TUSC3: variants seen among roughly 807,000 people sequenced by gnomAD.
The protein encoded by TUSC3 is tumor suppressor candidate 3, also known as dolichyl-diphosphooligosaccharide--protein glycosyltransferase subunit TUSC3.
A neutral mutation model predicts 44.8 loss-of-function variants in TUSC3; 45 were observed. The observed-to-expected ratio is 1.00, with a 90% CI of 0.79 to 1.29. The LOEUF (loss-of-function observed/expected upper bound fraction) is 1.29, where lower values mean the gene tolerates loss of function less well. TUSC3 is among the 50% of genes most tolerant of loss of function. The pLI is 0.00. For missense variants in TUSC3, 519 were observed against 437.9 expected (o/e 1.19, Z -1.65); for synonymous variants, 212 against 152.9 (o/e 1.39, Z -2.85).
chr8:15,700,809 G>A (rs1358498719), intron 6 of TUSC3, among the ~76,000 whole-genome samples: 1 of 139,908 alleles, frequency 7.1e-6, no homozygotes, highest in Non-Finnish European at 1.5e-5. Flanking sequence ...AATGTTTGTT[G>A]TCCCTTTTCT....
intron 6 of TUSC3, among the ~76,000 whole-genome samples, chr8:15,692,371 C>CCCCCT (rs1563175839): frequency 9.0e-4 from 17 of 18,818 alleles, no homozygotes; most frequent in South Asian, 7.1e-3. Context: ...CCCCCCCCCC[C>CCCCCT]TTTGTTTTTT....
rs188612730 is a variant in TUSC3, at chr8:15,566,763, A to G, written c.138+26195A>G. Among the ~76,000 whole-genome samples the G allele has an allele frequency of 7.8e-4, 118 of 152,162 alleles. 1 individual carries two copies. Among genetic ancestry groups the G allele is most frequent in the African/African-American group, 2.7e-3 (113 of 41,526 alleles). On this transcript the variant is annotated intron_variant, in intron 1 of 10. Transcript: ENST00000503731. ...GTTAGTCTCCTAAGTAGCTGGGATT[A>G]TAGGCACGTGTCATCATGACTGGTT...
the TUSC3 span, among the ~76,000 whole-genome samples, chr8:15,832,051 C>T: frequency 2.0e-5 from 3 of 152,096 alleles, no homozygotes; most frequent in Non-Finnish European, 4.4e-5. Flanking sequence ...AGAGAAAGGT[C>T]AAGTCACCTA....
intron 1 of TUSC3, among the ~76,000 whole-genome samples, chr8:15,562,375 G>T (rs1729491054): frequency 6.6e-6 from 1 of 152,120 alleles, no homozygotes; most frequent in South Asian, 2.1e-4. Flanking sequence ...TCTCCCTTAA[G>T]ATGAGTAATC....
At chr8:15,632,345 A>G (rs975023840) in intron 2 of TUSC3, among the ~76,000 whole-genome samples, 4 of 152,106 alleles carry the variant, frequency 2.6e-5, no homozygotes, top group Admixed American at 2.0e-4. Flanking sequence ...CTTCCTGATT[A>G]TATTCAAGGG....
At chr8:15,658,653 C>CACACAT (rs1173217298) in intron 3 of TUSC3, among the ~76,000 whole-genome samples, 6 of 150,626 alleles carry the variant, frequency 4.0e-5, no homozygotes, top group Non-Finnish European at 7.4e-5. Flanking sequence ...CACACACACA[C>CACACAT]ACACACAAAT....
intron 5 of TUSC3, among the ~76,000 whole-genome samples, chr8:15,669,363 T>C (rs531830996): frequency 6.6e-6 from 1 of 151,612 alleles, no homozygotes; most frequent in South Asian, 2.1e-4. Context: ...TTTCTGTGAA[T>C]AAAAAAAGAG....
the TUSC3 span, among the ~76,000 whole-genome samples, chr8:15,777,099 G>A: frequency 6.6e-6 from 1 of 152,050 alleles, no homozygotes; most frequent in Non-Finnish European, 1.5e-5. Context: ...CTTCTTTGAA[G>A]AACAGGAAAC....
chr8:15,735,174 CA>C (rs147147846), intron 7 of TUSC3, among the ~76,000 whole-genome samples: 3,415 of 152,160 alleles, frequency 0.022, 126 homozygotes, highest in African/African-American at 0.079. Flanking sequence ...GAAGGTAGAG[CA>C]AAGGAAGCAG....
At chr8:15,453,070 A>G (rs1440028160) in intron 1 of TUSC3, among the ~76,000 whole-genome samples, 1 of 152,104 alleles carries the variant, frequency 6.6e-6, no homozygotes, top group Non-Finnish European at 1.5e-5. Flanking sequence ...AACGCAATAT[A>G]TAGATAGGTT....
chr8:15,789,328 C>T, the TUSC3 span, among the ~76,000 whole-genome samples: 40 of 152,264 alleles, frequency 2.6e-4, no homozygotes, highest in African/African-American at 8.4e-4. Context: ...GCCAAGCCTC[C>T]AGTCTTTACA....
At chr8:15,705,362 ACCACT>A (rs1809574288) in intron 6 of TUSC3, among the ~76,000 whole-genome samples, 1 of 152,080 alleles carries the variant, frequency 6.6e-6, no homozygotes, top group African/African-American at 2.4e-5. Flanking sequence ...GTTATGGAAA[ACCACT>A]CCAGAATCTA....
chr8:15,682,481 A>C (rs1453419544), intron 6 of TUSC3, among the ~76,000 whole-genome samples: 1 of 151,816 alleles, frequency 6.6e-6, no homozygotes. Context: ...TGTAAGTACA[A>C]CCTCTGCTCT....
intron 1 of TUSC3, among the ~76,000 whole-genome samples, chr8:15,585,838 C>G (rs1483254530): frequency 1.3e-5 from 2 of 152,152 alleles, no homozygotes; most frequent in Non-Finnish European, 2.9e-5. Flanking sequence ...CCCTAACTGC[C>G]TGCGTGAGCG....
the TUSC3 span, chr8:15,806,342 T>G: frequency 1.4e-6 from 1 of 727,862 alleles, no homozygotes; most frequent in South Asian, 1.4e-5. Flanking sequence ...TCTTTATGAT[T>G]TCTTCTACTC....
intron 6 of TUSC3, among the ~76,000 whole-genome samples, chr8:15,723,677 AAC>A (rs1389303614): frequency 6.6e-6 from 1 of 152,166 alleles, no homozygotes; most frequent in Non-Finnish European, 1.5e-5. Context: ...ACTAGTAGGA[AAC>A]AGAGGAATCT....
chr8:15,458,800 T>A (rs1289015083), intron 1 of TUSC3, among the ~76,000 whole-genome samples: 1 of 152,182 alleles, frequency 6.6e-6, no homozygotes, highest in African/African-American at 2.4e-5. Flanking sequence ...CAGTTTATCT[T>A]TGCAAGGACA....
At chr8:15,520,657 A>C (rs1245622725) in intron 2 of TUSC3, among the ~76,000 whole-genome samples, 3 of 152,220 alleles carry the variant, frequency 2.0e-5, no homozygotes, top group Non-Finnish European at 4.4e-5. Flanking sequence ...GGAGATTCAC[A>C]GGTTTAACTC....
At chr8:15,517,511 T>A (rs1801234109) in intron 2 of TUSC3, among the ~76,000 whole-genome samples, 1 of 110,830 alleles carries the variant, frequency 9.0e-6, no homozygotes, top group Non-Finnish European at 1.7e-5. Flanking sequence ...TTCCTAACAT[T>A]TAGCGTGAGG....
Sources: gnomAD v4.1 joint callset for allele counts (sites outside exome capture counted in the v4.1 genomes callset) on GRCh38, gnomAD v4.1.1 for gene constraint, MANE v1.5 for transcripts, NCBI Gene and HGNC (gene_info 2026-07-23, HGNC 2026-07-21) for gene names.